Variants in KDM6A observed in about 807,000 individuals in gnomAD.
KDM6A encodes the protein lysine demethylase 6A.
KDM6A carries 11 observed loss-of-function variants against 117.6 expected under a neutral mutation model. The observed-to-expected ratio is 0.09, with a 90% CI of 0.06 to 0.15. The LOEUF (loss-of-function observed/expected upper bound fraction) is 0.15. Ranked by LOEUF, KDM6A falls within the 10% of genes least tolerant of loss-of-function variation. The probability of loss-of-function intolerance (pLI) is 1.00; values close to 1 mark genes in which losing one functional copy is unlikely to be tolerated. For synonymous variants in KDM6A, 384 were observed against 396.1 expected (o/e 0.97, Z 0.36); for missense variants, 799 against 1,077.3 (o/e 0.74, Z 3.62).
Position 44,873,579 on chromosome X carries a change from ACCGCCGCCGCTG to A in KDM6A, c.40_51del (p.Ala14_Ala17del), listed in dbSNP as rs749062014. 4.2e-5 allele frequency: 50 copies of A among 1,197,289 alleles called. No homozygotes were observed. The highest frequency in any genetic ancestry group is 2.4e-4 in the Middle Eastern group (1 of 4,085). On this transcript the variant is annotated inframe_deletion, in exon 1 of 30. Transcript: ENST00000611820. ...GAAATCCTGCGGAGTGTCGCTCGCT[ACCGCCGCCGCTG>A]CCGCCGCCGCTTTCGGTGATGAGGA...
chrX:44,948,767 A>G (rs918245254), intron 2 of KDM6A, among the ~76,000 whole-genome samples: 12 of 112,507 alleles, frequency 1.1e-4, no homozygotes, highest in Admixed American at 9.4e-4. Flanking sequence ...ATGATGTAGT[A>G]TACTGAGAAC....
intron 2 of KDM6A, among the ~76,000 whole-genome samples, chrX:44,942,310 G>T (rs1007410790): frequency 2.7e-5 from 3 of 110,839 alleles, no homozygotes; most frequent in Non-Finnish European, 5.7e-5. Context: ...TGGGATTACA[G>T]GTATGAGCCA....
intron 2 of KDM6A, among the ~76,000 whole-genome samples, chrX:44,892,157 G>A (rs2033415631): frequency 8.9e-6 from 1 of 112,486 alleles, no homozygotes; most frequent in Non-Finnish European, 1.9e-5. Context: ...GGTGTAGTGA[G>A]TCTCACCACT....
chrX:45,024,847 G>A (rs950566877), intron 6 of KDM6A, among the ~76,000 whole-genome samples: 1 of 111,279 alleles, frequency 9.0e-6, no homozygotes, highest in Non-Finnish European at 1.9e-5. Flanking sequence ...CATAGATACT[G>A]TTGGAGAAAT....
rs191569645 is a variant in KDM6A at position 45,080,449 on chromosome X, A to G, written c.3300+1098A>G. On this transcript the variant is annotated intron_variant, in intron 21 of 29. Coordinates refer to ENST00000611820, the MANE Select transcript of KDM6A (RefSeq NM_001291415.2). ...AAAGTGAACATAATACATCCAAACA[A>G]ATGAGTTTATTAAACGTATTACTCA... Among the ~76,000 whole-genome samples the G allele has an allele frequency of 2.7e-5, 3 of 111,892 alleles. No individual in the cohort carries two copies. In the Admixed American group the frequency reaches 2.8e-4, roughly 11 times the overall value.
intron 6 of KDM6A, among the ~76,000 whole-genome samples, chrX:45,024,917 A>G (rs2042307252): frequency 8.9e-6 from 1 of 111,857 alleles, no homozygotes. Flanking sequence ...ATCCTCAGAA[A>G]TGTGAAGCTA....
At chrX:44,897,925 G>T (rs1398485200) in intron 2 of KDM6A, among the ~76,000 whole-genome samples, 2 of 111,281 alleles carry the variant, frequency 1.8e-5, no homozygotes, top group East Asian at 5.6e-4. Flanking sequence ...CAAGGGTTAG[G>T]TGGGTGTGTT....
intron 2 of KDM6A, among the ~76,000 whole-genome samples, chrX:44,933,291 G>T (rs1198631164): frequency 1.2e-5 from 1 of 82,819 alleles, no homozygotes; most frequent in East Asian, 3.6e-4. Context: ...TTTTTGAGAC[G>T]GAGTCTCACT....
intron 3 of KDM6A, among the ~76,000 whole-genome samples, chrX:44,970,498 C>G (rs1310537423): frequency 9.0e-6 from 1 of 111,081 alleles, no homozygotes; most frequent in African/African-American, 3.3e-5. Context: ...TAGAAGACAT[C>G]ATACTGTCTT....
At chrX:45,079,887 A>G (rs954884230) in intron 21 of KDM6A, among the ~76,000 whole-genome samples, 7 of 112,514 alleles carry the variant, frequency 6.2e-5, no homozygotes, top group Non-Finnish European at 1.3e-4. Context: ...TGATGGATTC[A>G]TGAAGTAAAT....
rs1249355105 is a variant in KDM6A at position 45,071,463 on chromosome X, C to A, written c.2858+1106C>A. Reference sequence around the variant, plus strand: ...TTATGTAAAAGTGTGATTATCTTTTCTGTTGTTCAGATTATTTTATTAGAA... The same window carrying A: ...TTATGTAAAAGTGTGATTATCTTTTATGTTGTTCAGATTATTTTATTAGAA... On this transcript the variant is annotated intron_variant, in intron 18 of 29. Transcript: ENST00000611820. Among the ~76,000 whole-genome samples the A allele has an allele frequency of 4.5e-5, 5 of 111,651 alleles. No homozygotes were observed. The East Asian group carries it at 1.4e-3, about 31-fold the overall frequency.
At chrX:45,078,664 A>T (rs1171567881) in intron 20 of KDM6A, among the ~76,000 whole-genome samples, 159 bp downstream of exon 20, 1 of 104,894 alleles carries the variant, frequency 9.5e-6, no homozygotes, top group Non-Finnish European at 1.9e-5. Context: ...AATGAGAGAG[A>T]GTGTGTGTAT....
At chrX:45,098,508 G>A (rs746779595) in intron 27 of KDM6A, among the ~76,000 whole-genome samples, 2 of 112,922 alleles carry the variant, frequency 1.8e-5, no homozygotes, top group African/African-American at 3.2e-5. Flanking sequence ...TGAAACTGGA[G>A]ATAAAGAAGA....
chrX:45,089,995 C>G lies in KDM6A; in HGVS notation c.3892+65C>G, dbSNP rs1296154950. On this transcript the variant is annotated intron_variant, in intron 26 of 29. Transcript: ENST00000611820. ...AGGATTATATCCAATAGGACTGTTC[C>G]TTTTTTCTTGAAATATAACTCACTA... The G allele has an allele frequency of 4.3e-6, 4 of 928,414 alleles. No homozygotes were observed. The East Asian group carries it at 1.0e-4, about 23-fold the overall frequency. 76.5% of individuals were successfully genotyped at this position (928,414 alleles called of 1,213,427 possible).
intron 2 of KDM6A, among the ~76,000 whole-genome samples, chrX:44,947,667 C>T (rs370329295): frequency 3.6e-5 from 4 of 111,751 alleles, no homozygotes; most frequent in African/African-American, 1.3e-4. Flanking sequence ...TGAGCTACCG[C>T]GCCCAGCCAA....
chrX:44,995,292 C>T (rs954837751), intron 4 of KDM6A, among the ~76,000 whole-genome samples: 2 of 109,703 alleles, frequency 1.8e-5, no homozygotes, highest in Admixed American at 9.7e-5. Flanking sequence ...TTTCCTTTTG[C>T]GGCCAGCTCA....
intron 5 of KDM6A, among the ~76,000 whole-genome samples, chrX:45,011,774 T>G (rs960462819): frequency 9.0e-6 from 1 of 110,915 alleles, no homozygotes; most frequent in Non-Finnish European, 1.9e-5. Flanking sequence ...ATTTATTTAT[T>G]TATTTATTTT....
chrX:45,106,006 T>TC (rs778780067), intron 27 of KDM6A, among the ~76,000 whole-genome samples: 3 of 109,422 alleles, frequency 2.7e-5, no homozygotes, highest in East Asian at 5.7e-4. Flanking sequence ...CCAAAACCAT[T>TC]CCCCCCCGCC....
At chrX:44,890,837 T>G (rs930269527) in intron 2 of KDM6A, among the ~76,000 whole-genome samples, 3 of 108,206 alleles carry the variant, frequency 2.8e-5, no homozygotes, top group African/African-American at 1.0e-4. Context: ...GTATTTTTAG[T>G]AGAGAGGAGG....
Sources: gnomAD v4.1 joint callset for allele counts (sites outside exome capture counted in the v4.1 genomes callset) on GRCh38, gnomAD v4.1.1 for gene constraint, MANE v1.5 for transcripts, NCBI Gene and HGNC (gene_info 2026-07-23, HGNC 2026-07-21) for gene names.